RTTN: variants seen among roughly 807,000 people sequenced by gnomAD.
RTTN encodes the protein rotatin.
Under a neutral mutation model 269.2 loss-of-function variants are expected in RTTN, and 182 were observed. The ratio of observed to expected loss-of-function variants is 0.68; its 90% CI spans 0.60 to 0.76. The LOEUF (loss-of-function observed/expected upper bound fraction) is 0.76. Among genes scored for constraint, RTTN ranks in the 30% least tolerant of loss-of-function variants. The pLI, the probability that RTTN is intolerant of heterozygous loss-of-function variation, is 0.00. For synonymous variants in RTTN, 1,006 were observed against 963.5 expected (o/e 1.04, Z -0.82); for missense variants, 2,545 against 2,608.6 (o/e 0.98, Z 0.53).
intron 11 of RTTN, among the ~76,000 whole-genome samples, chr18:70,175,044 C>CT (rs1344280673): frequency 1.1e-4 from 1 of 9,208 alleles, no homozygotes; most frequent in Non-Finnish European, 2.6e-4. Context: ...AAAACCAAAA[C>CT]CAAAAAAAAA....
intron 26 of RTTN, among the ~76,000 whole-genome samples, chr18:70,115,978 G>GT (rs979717726): frequency 6.6e-6 from 1 of 151,730 alleles, no homozygotes; most frequent in Non-Finnish European, 1.5e-5. Flanking sequence ...CATCTAAATA[G>GT]TTTTTTTCCC....
Position 70,012,392 on chromosome 18 carries a change from A to G in RTTN, c.6421+5015T>C, listed in dbSNP as rs1431118166. On this transcript the variant is annotated intron_variant, in intron 46 of 48. Coordinates refer to ENST00000640769, the MANE Select transcript of RTTN (RefSeq NM_173630.4). ...GCGTCTGCTCACTGGTGTTAGATAG[A>G]GGGCAGCGTCTGCTCCTGGTATTGG... Among the ~76,000 whole-genome samples, 3 of 141,974 alleles carry G rather than the reference A, an allele frequency of 2.1e-5. No homozygotes were observed. In the East Asian group the frequency reaches 6.4e-4, roughly 30 times the overall value. 93.1% of individuals were successfully genotyped at this position (141,974 alleles called of 152,430 possible).
chr18:70,045,178 G>C (rs1321502874), intron 40 of RTTN, among the ~76,000 whole-genome samples: 1 of 152,184 alleles, frequency 6.6e-6, no homozygotes, highest in Non-Finnish European at 1.5e-5. Context: ...ATGGGATACT[G>C]CTATAAAGCA....
intron 40 of RTTN, among the ~76,000 whole-genome samples, chr18:70,037,266 C>T (rs2057202983): frequency 6.6e-6 from 1 of 152,214 alleles, no homozygotes; most frequent in Non-Finnish European, 1.5e-5. Context: ...ACTATGGTGG[C>T]ATGTGACACA....
chr18:70,199,890 AATG>A (rs1192078390), intron 4 of RTTN, among the ~76,000 whole-genome samples: 1 of 152,264 alleles, frequency 6.6e-6, no homozygotes, highest in Non-Finnish European at 1.5e-5. Context: ...CAAAATTAAA[AATG>A]ATAAAACATA....
In RTTN at chr18:70,128,493, A is replaced by G. The variant is rs2059921546; in HGVS notation, c.3008T>C (p.Ile1003Thr). The change falls in exon 24 of 49, where the codon ATA becomes ACA. Residue 1003 changes from isoleucine (I) to threonine (T), a missense_variant. By Grantham distance (89) the Ile-to-Thr change is moderately conservative (BLOSUM62 -1). Transcript: ENST00000640769. ...IGHHAVSPYS[I>T]VLPLSADCLA... is the part of the protein sequence containing the mutation. The stretch of plus-strand genomic sequence containing the variant: ...ACAATCAGCAGATAAGGGCAAAACT[A>G]TGGAGTAAGGACTCACAGCATGGTG... 1 of 1,613,194 alleles carries G rather than the reference A, an allele frequency of 6.2e-7. No individual in the cohort carries two copies. Among genetic ancestry groups the G allele is most frequent in the Non-Finnish European group, 8.5e-7 (1 of 1,179,458 alleles).
intron 35 of RTTN, among the ~76,000 whole-genome samples, chr18:70,065,625 T>C (rs2058112333): frequency 6.6e-6 from 1 of 152,234 alleles, no homozygotes; most frequent in Non-Finnish European, 1.5e-5. Context: ...AATTGGACTA[T>C]TTATTTAAGA....
At chr18:70,051,899 T>C (rs2057682240) in intron 38 of RTTN, among the ~76,000 whole-genome samples, 1 of 152,212 alleles carries the variant, frequency 6.6e-6, no homozygotes, top group Non-Finnish European at 1.5e-5. Flanking sequence ...TTGTTTGTGC[T>C]ACTTTTGTCA....
chr18:70,107,233 T>C (rs1192062186), intron 28 of RTTN, among the ~76,000 whole-genome samples: 1 of 152,172 alleles, frequency 6.6e-6, no homozygotes, highest in Admixed American at 6.5e-5. Context: ...CGTCGGAACC[T>C]AGGAACCAAT....
intron 23 of RTTN, among the ~76,000 whole-genome samples, chr18:70,134,106 TTA>T (rs1255990655): frequency 2.0e-5 from 3 of 152,154 alleles, no homozygotes; most frequent in Middle Eastern, 3.4e-3. Flanking sequence ...AGGAGTGAAT[TTA>T]TGTCTGAAAC....
At chr18:70,176,200 G>GATGTATATGTATATGTATATGTAT (rs71816542) in intron 11 of RTTN, among the ~76,000 whole-genome samples, 115 of 137,670 alleles carry the variant, frequency 8.4e-4, no homozygotes, top group African/African-American at 3.1e-3. Flanking sequence ...TGTAGATGTA[G>GATGTATATGTATATGTATATGTAT]ATGTATATGT....
In RTTN at chr18:70,197,619, C is replaced by G; in HGVS notation, c.693+5G>C. ...AAATCTAAAACAATTATAGAGGGCA[C>G]TGACCTGAACAATTTTTGGCCTTTG... is the stretch of plus-strand genomic sequence containing the variant. On this transcript the variant is annotated splice_donor_5th_base_variant and intron_variant, in intron 6 of 48. Coordinates refer to ENST00000640769, the MANE Select transcript of RTTN (RefSeq NM_173630.4). 1 of 1,578,272 alleles carries G rather than the reference C, an allele frequency of 6.3e-7. No individual in the cohort carries two copies. The highest frequency in any genetic ancestry group is 8.7e-7 in the Non-Finnish European group (1 of 1,147,304).
chr18:70,202,258 T>C (rs1427363414), intron 3 of RTTN, among the ~76,000 whole-genome samples: 1 of 152,216 alleles, frequency 6.6e-6, no homozygotes, highest in African/African-American at 2.4e-5. Flanking sequence ...TGCTACAAAG[T>C]ATTCAAGGAC....
intron 34 of RTTN, among the ~76,000 whole-genome samples, chr18:70,067,448 C>T (rs751791065): frequency 2.2e-4 from 33 of 151,536 alleles, no homozygotes; most frequent in Non-Finnish European, 3.8e-4. Flanking sequence ...CGTGAGCCAC[C>T]GCGCCCAGCA....
At chr18:70,130,157 A>G (rs762189552) in intron 23 of RTTN, 1 of 151,986 alleles carries the variant, frequency 6.6e-6, no homozygotes, top group Non-Finnish European at 1.5e-5. Flanking sequence ...TGGAGGAAGG[A>G]GAATGCTCAC....
chr18:70,051,731 T>A (rs1206992164), intron 38 of RTTN, among the ~76,000 whole-genome samples, 183 bp from the exon 39 acceptor site: 1 of 152,184 alleles, frequency 6.6e-6, no homozygotes, highest in Non-Finnish European at 1.5e-5. Context: ...TTTCCATTGC[T>A]TCTTAAGATA....
intron 10 of RTTN, among the ~76,000 whole-genome samples, chr18:70,186,441 C>G (rs1420671591): frequency 6.6e-6 from 1 of 152,172 alleles, no homozygotes; most frequent in Non-Finnish European, 1.5e-5. Flanking sequence ...AAGTGAGGAA[C>G]TGCTGTACTA....
At chr18:70,024,511 C>T (rs922485816) in intron 44 of RTTN, among the ~76,000 whole-genome samples, 11 of 152,182 alleles carry the variant, frequency 7.2e-5, no homozygotes, top group South Asian at 2.1e-4. Context: ...CTATTCCCTG[C>T]GCTGCCAATG....
At chr18:70,094,808 T>C (rs183331165) in intron 28 of RTTN, among the ~76,000 whole-genome samples, 30 of 152,268 alleles carry the variant, frequency 2.0e-4, no homozygotes, top group South Asian at 1.0e-3. Flanking sequence ...GTCCGCTTGG[T>C]CCAGAGCTGA....
Sources: allele counts gnomAD v4.1 joint callset (sites outside exome capture counted in the v4.1 genomes callset), GRCh38; gene constraint gnomAD v4.1.1; transcripts MANE v1.5; gene names NCBI Gene and HGNC (gene_info 2026-07-23, HGNC 2026-07-21).